The following LRRC4C variants were observed in gnomAD, a reference collection of about 807,000 sequenced individuals.
The protein encoded by LRRC4C is leucine-rich repeat-containing protein 4C.
LRRC4C carries 5 observed loss-of-function variants against 33.6 expected under a neutral mutation model. That is an observed-to-expected ratio of 0.15 (90% CI 0.08 to 0.31). LRRC4C has a LOEUF of 0.31. Ranked by LOEUF, LRRC4C falls within the 10% of genes least tolerant of loss-of-function variation. The pLI is 1.00. For missense variants in LRRC4C, 560 were observed against 796.7 expected, an observed-to-expected ratio of 0.70 and a Z score of 3.58; for synonymous variants, 329 against 302.0, an observed-to-expected ratio of 1.09 and a Z score of -0.93.
At chr11:40,239,496 T>C (rs576391835) in intron 5 of LRRC4C, among the ~76,000 whole-genome samples, 3 of 152,166 alleles carry the variant, frequency 2.0e-5, no homozygotes, top group Non-Finnish European at 4.4e-5. Flanking sequence ...CTAATGTAAA[T>C]GTGCAATATG....
intron 4 of LRRC4C, among the ~76,000 whole-genome samples, chr11:40,318,903 A>G (rs546439914): frequency 9.2e-5 from 14 of 152,290 alleles, no homozygotes; most frequent in Admixed American, 9.2e-4. Flanking sequence ...CCTGACTTCT[A>G]ATAGGAAGGT....
At chr11:40,217,651 C>G (rs12226222) in intron 5 of LRRC4C, among the ~76,000 whole-genome samples, 1 of 152,108 alleles carries the variant, frequency 6.6e-6, no homozygotes, top group Non-Finnish European at 1.5e-5. Context: ...CATTCTTCAT[C>G]ATTGTATTAT....
chr11:40,926,780 AAG>A (rs1345927883), intron 2 of LRRC4C, among the ~76,000 whole-genome samples: 1 of 152,180 alleles, frequency 6.6e-6, no homozygotes, highest in African/African-American at 2.4e-5. Context: ...CAAACCTTAA[AAG>A]TTAAAAAAAA....
chr11:40,474,158 A>G (rs1032482942), intron 3 of LRRC4C, among the ~76,000 whole-genome samples: 3 of 152,244 alleles, frequency 2.0e-5, no homozygotes, highest in South Asian at 2.1e-4. Context: ...AATCCTAAGC[A>G]AAAAAACAAA....
chr11:40,432,836 A>G (rs1429380311), intron 3 of LRRC4C, among the ~76,000 whole-genome samples: 1 of 152,222 alleles, frequency 6.6e-6, no homozygotes, highest in Non-Finnish European at 1.5e-5. Context: ...CCATAAATAA[A>G]AGTGCTATTT....
intron 1 of LRRC4C, among the ~76,000 whole-genome samples, chr11:41,299,840 T>C (rs1441722822): frequency 1.3e-5 from 2 of 152,074 alleles, no homozygotes; most frequent in Non-Finnish European, 2.9e-5. Flanking sequence ...TATTCATATA[T>C]TTGAGAGGCT....
At chr11:41,149,510 C>CG in intron 1 of LRRC4C, among the ~76,000 whole-genome samples, 1 of 55,524 alleles carries the variant, frequency 1.8e-5, no homozygotes, top group South Asian at 8.5e-4. Flanking sequence ...ACTCCGTCTC[C>CG]AAAAAAAAAA....
chr11:40,672,759 T>C (rs1944190909), intron 2 of LRRC4C, among the ~76,000 whole-genome samples: 1 of 152,226 alleles, frequency 6.6e-6, no homozygotes. Context: ...TTAATCTTGC[T>C]TTGTGTCAGA....
chr11:40,285,393 A>C (rs537954023), intron 4 of LRRC4C, among the ~76,000 whole-genome samples: 96 of 152,322 alleles, frequency 6.3e-4, no homozygotes, highest in Middle Eastern at 3.4e-3. Flanking sequence ...TATTACAGAG[A>C]GATCAAACAC....
chr11:41,416,572 G>T (rs933790692), intron 1 of LRRC4C, among the ~76,000 whole-genome samples: 3 of 151,914 alleles, frequency 2.0e-5, no homozygotes, highest in African/African-American at 7.2e-5. Flanking sequence ...TCATGTTACG[G>T]ACACTTTACT....
intron 1 of LRRC4C, among the ~76,000 whole-genome samples, chr11:41,448,597 C>T (rs772014167): frequency 1.4e-4 from 22 of 152,094 alleles, no homozygotes; most frequent in Admixed American, 4.6e-4. Context: ...TGAGCCACTG[C>T]GCCCAGCTAC....
chr11:41,221,755 G>T (rs79338153), intron 1 of LRRC4C, among the ~76,000 whole-genome samples: 2,115 of 152,244 alleles, frequency 0.014, 33 homozygotes, highest in African/African-American at 0.048. Flanking sequence ...ATTTATACTT[G>T]CAAGATATAC....
At chr11:40,123,684 A>G (rs1333403677) in intron 6 of LRRC4C, among the ~76,000 whole-genome samples, 1 of 152,130 alleles carries the variant, frequency 6.6e-6, no homozygotes, top group East Asian at 1.9e-4. Flanking sequence ...TACAGATTCA[A>G]TGCAATCCCT....
chr11:41,107,289 C>A (rs1394079262), intron 1 of LRRC4C, among the ~76,000 whole-genome samples: 1 of 151,912 alleles, frequency 6.6e-6, no homozygotes, highest in Non-Finnish European at 1.5e-5. Context: ...TAATTGGCAG[C>A]TTATGATACA....
rs148590357 is a variant in LRRC4C, at chr11:40,516,804, T to G, written c.-270+131338A>C. Reference sequence around the variant, plus strand: ...ATGGTTGGAGTTGGCATAGGACCCTTTAGCCACATTTTAATTATTCCTTAG... The same window carrying G: ...ATGGTTGGAGTTGGCATAGGACCCTGTAGCCACATTTTAATTATTCCTTAG... On this transcript the variant is annotated intron_variant, in intron 3 of 6. Coordinates refer to ENST00000528697, the MANE Select transcript of LRRC4C (RefSeq NM_001258419.2). Among the ~76,000 whole-genome samples, 38 of 152,238 alleles carry G rather than the reference T, an allele frequency of 2.5e-4. 1 individual carries two copies. The highest frequency in any genetic ancestry group is 8.9e-4 in the African/African-American group (37 of 41,568).
intron 5 of LRRC4C, among the ~76,000 whole-genome samples, chr11:40,182,177 C>CG (rs1280614479): frequency 6.6e-6 from 1 of 152,084 alleles, no homozygotes; most frequent in East Asian, 1.9e-4. Context: ...GTTTATTAAA[C>CG]ACTTTCTGCT....
At chr11:40,708,821 C>T (rs933778248) in intron 2 of LRRC4C, among the ~76,000 whole-genome samples, 7 of 152,062 alleles carry the variant, frequency 4.6e-5, no homozygotes, top group Non-Finnish European at 7.4e-5. Context: ...TAAAATCTCC[C>T]ATTATTATTG....
At chr11:41,150,615 C>T (rs563324067) in intron 1 of LRRC4C, among the ~76,000 whole-genome samples, 1 of 151,904 alleles carries the variant, frequency 6.6e-6, no homozygotes, top group Non-Finnish European at 1.5e-5. Flanking sequence ...TATGGTAAAA[C>T]CCCATCTCTA....
Position 40,249,866 on chromosome 11 carries a change from C to G in LRRC4C, c.-175-8268G>C, listed in dbSNP as rs557370265. Among the ~76,000 whole-genome samples the G allele has an allele frequency of 9.2e-5, 14 of 152,214 alleles. No individual in the cohort carries two copies. In the South Asian group the frequency reaches 2.9e-3, roughly 32 times the overall value. On this transcript the variant is annotated intron_variant, in intron 4 of 6. Coordinates refer to ENST00000528697, the MANE Select transcript of LRRC4C (RefSeq NM_001258419.2). ...AAGAGGCACAGACAGTATGATACTG[C>G]CTTTTGTTCTGATAAGATATTCATC... is the stretch of plus-strand genomic sequence containing the variant.
Sources: allele counts gnomAD v4.1 joint callset (sites outside exome capture counted in the v4.1 genomes callset), GRCh38; gene constraint gnomAD v4.1.1; transcripts MANE v1.5; gene names NCBI Gene and HGNC (gene_info 2026-07-23, HGNC 2026-07-21).